RANBP9: variants seen among roughly 807,000 people sequenced by gnomAD.
The protein encoded by RANBP9 is ran-binding protein 9.
In RANBP9, 15 loss-of-function variants were observed where a neutral mutation model predicts 84.3. That is an observed-to-expected ratio of 0.18 (90% CI 0.12 to 0.27). The LOEUF is 0.27. Among genes scored for constraint, RANBP9 ranks in the 10% least tolerant of loss-of-function variants. The pLI, the probability that RANBP9 is intolerant of heterozygous loss-of-function variation, is 1.00. For synonymous variants in RANBP9, 392 were observed against 349.6 expected (o/e 1.12, Z -1.35); for missense variants, 809 against 912.8 (o/e 0.89, Z 1.46).
chr6:13,710,670 G>A (rs1045409135), intron 1 of RANBP9, among the ~76,000 whole-genome samples: 2 of 152,192 alleles, frequency 1.3e-5, no homozygotes, highest in Non-Finnish European at 1.5e-5. Context: ...TTCCCTCAAG[G>A]TGTCCTGCTC....
rs761209689 is a variant in RANBP9, at chr6:13,642,599, T to A, written c.1113-8A>T. 2 of 1,554,276 alleles carry A rather than the reference T, an allele frequency of 1.3e-6. No homozygotes were observed. Among genetic ancestry groups the A allele is most frequent in the Non-Finnish European group, 1.8e-6 (2 of 1,132,396 alleles). Reference sequence around the variant, plus strand: ...AAATAAGATGAAACCATTCTTAAAATAAAAAGAAGAAACATACATCTTTTA... The same window carrying A: ...AAATAAGATGAAACCATTCTTAAAAAAAAAAGAAGAAACATACATCTTTTA... On this transcript the variant is annotated splice_polypyrimidine_tract_variant and splice_region_variant and intron_variant, in intron 6 of 13. Coordinates refer to ENST00000011619, the MANE Select transcript of RANBP9 (RefSeq NM_005493.3).
Position 13,710,989 on chromosome 6 carries a change from C to T in RANBP9, c.517G>A (p.Asp173Asn). The T allele has an allele frequency of 1.2e-6, 2 of 1,609,878 alleles. No individual in the cohort carries two copies. The highest frequency in any genetic ancestry group is 1.7e-6 in the Non-Finnish European group (2 of 1,178,366). Residue 173 changes from aspartate to asparagine, a missense_variant, in exon 1 of 14, where the codon GAC becomes AAC. By Grantham distance (23) the Asp-to-Asn change is conservative. Coordinates refer to ENST00000011619, the MANE Select transcript of RANBP9 (RefSeq NM_005493.3). ...TPLPRSWSPK[D>N]KFSYIGLSQN... ...GAGAGGCCGATGTAGCTGAACTTGT[C>T]CTTCGGGCTCCAGGACCGAGGCAGC...
In RANBP9 at chr6:13,711,649, A is replaced by G. The variant is rs1037822481; in HGVS notation, c.-144T>C. ...CAGGCGGCGGGCCGCGCGCCCAGGG[A>G]GACCGCGGCGGTTGAGGAGCTCGGA... is the stretch of plus-strand genomic sequence containing the variant. On this transcript the variant is annotated 5_prime_UTR_variant, in exon 1 of 14. Coordinates refer to ENST00000011619, the MANE Select transcript of RANBP9 (RefSeq NM_005493.3). 7.1e-6 allele frequency: 5 copies of G among 703,894 alleles called. No individual in the cohort carries two copies. The highest frequency in any genetic ancestry group is 9.5e-6 in the Non-Finnish European group (5 of 526,940). 43.6% of individuals were successfully genotyped at this position (703,894 alleles called of 1,614,324 possible).
rs563146228 is a variant in RANBP9 at position 13,707,943 on chromosome 6, G to C, written c.571+2992C>G. 6.6e-5 allele frequency among the ~76,000 whole-genome samples: 10 copies of C among 152,240 alleles called. No homozygotes were observed. The South Asian group carries it at 1.9e-3, about 28-fold the overall frequency. On this transcript the variant is annotated intron_variant, in intron 1 of 13. Coordinates refer to ENST00000011619, the MANE Select transcript of RANBP9 (RefSeq NM_005493.3). ...ATCCCTGGGTTTTTCAATAGTTGTT[G>C]TGTGACTGCTAAGCAAAAGGCCTTT...
At chr6:13,626,654 C>T (rs1764613915) in intron 12 of RANBP9, among the ~76,000 whole-genome samples, 1 of 152,182 alleles carries the variant, frequency 6.6e-6, no homozygotes, top group Non-Finnish European at 1.5e-5. Context: ...ATTCAGAACA[C>T]TCTTACCAAT....
At chr6:13,669,274 C>T (rs536896043) in intron 2 of RANBP9, among the ~76,000 whole-genome samples, 36 of 152,260 alleles carry the variant, frequency 2.4e-4, no homozygotes, top group Non-Finnish European at 4.3e-4. Context: ...GATTTGAAGA[C>T]TAAATGCTGT....
chr6:13,690,461 C>A (rs926275043), intron 2 of RANBP9, among the ~76,000 whole-genome samples: 1 of 152,014 alleles, frequency 6.6e-6, no homozygotes, highest in Non-Finnish European at 1.5e-5. Context: ...TCTCCTCCCC[C>A]GCCAAGAAAT....
At chr6:13,633,125 C>T (rs1764839057) in intron 11 of RANBP9, among the ~76,000 whole-genome samples, 1 of 151,962 alleles carries the variant, frequency 6.6e-6, no homozygotes, top group African/African-American at 2.4e-5. Context: ...ACCTCTGCCT[C>T]CCAGGTTCAA....
intron 2 of RANBP9, among the ~76,000 whole-genome samples, chr6:13,664,102 T>C (rs1054388262): frequency 2.0e-5 from 3 of 152,152 alleles, no homozygotes; most frequent in African/African-American, 7.2e-5. Context: ...GTACAGATGA[T>C]ATGACTGTTT....
Position 13,621,951 on chromosome 6 carries a change from G to T in RANBP9, c.*411C>A, listed in dbSNP as rs919982405. Reference sequence around the variant, plus strand: ...ACACTGATTGAATGCTTATATGGGAGTGGGGGTCGGAACATCTCCCAATTT... The same window carrying T: ...ACACTGATTGAATGCTTATATGGGATTGGGGGTCGGAACATCTCCCAATTT... On this transcript the variant is annotated 3_prime_UTR_variant, in exon 14 of 14. Coordinates refer to ENST00000011619, the MANE Select transcript of RANBP9 (RefSeq NM_005493.3). 1 of 154,028 alleles carries T rather than the reference G, an allele frequency of 6.5e-6. No individual in the cohort carries two copies. Among genetic ancestry groups the T allele is most frequent in the Non-Finnish European group, 1.4e-5 (1 of 69,046 alleles). 9.5% of individuals were successfully genotyped at this position (154,028 alleles called of 1,614,324 possible).
At chr6:13,653,383 G>A (rs375715024) in intron 4 of RANBP9, among the ~76,000 whole-genome samples, 3 of 152,062 alleles carry the variant, frequency 2.0e-5, no homozygotes, top group Non-Finnish European at 2.9e-5. Context: ...ACAATTTAAC[G>A]ACCTCCTTTA....
chr6:13,629,921 C>CTCTCGTGT (rs1554221305), intron 12 of RANBP9, among the ~76,000 whole-genome samples: 19 of 128,428 alleles, frequency 1.5e-4, no homozygotes, highest in East Asian at 8.4e-4. Context: ...CTCTCTCTCT[C>CTCTCGTGT]GTGTGTGTGT....
At position 13,677,614 on chromosome 6, in the gene RANBP9, T is replaced by C. The variant is rs186138103; in HGVS notation, c.684-18782A>G. ...GATACACTAGTATACGTATATCTAT[T>C]TATATTAAGAAACTCAGGGCACTTG... On this transcript the variant is annotated intron_variant, in intron 2 of 13. Transcript: ENST00000011619. Among the ~76,000 whole-genome samples the C allele has an allele frequency of 4.3e-3, 652 of 152,320 alleles. 4 individuals are homozygous for C. Among genetic ancestry groups the C allele is most frequent in the African/African-American group, 0.014 (579 of 41,576 alleles).
intron 2 of RANBP9, among the ~76,000 whole-genome samples, chr6:13,676,702 T>C (rs1765892396): frequency 6.6e-6 from 1 of 151,762 alleles, no homozygotes. Context: ...TATGCAAGGC[T>C]GGCTCAACAT....
chr6:13,643,021 C>A (rs1363652338), intron 6 of RANBP9, among the ~76,000 whole-genome samples: 1 of 152,122 alleles, frequency 6.6e-6, no homozygotes, highest in Non-Finnish European at 1.5e-5. Context: ...AAGATTAACT[C>A]TTAATGTTCC....
intron 2 of RANBP9, among the ~76,000 whole-genome samples, chr6:13,670,845 A>C (rs1042338104): frequency 6.6e-6 from 1 of 151,790 alleles, no homozygotes; most frequent in Non-Finnish European, 1.5e-5. Flanking sequence ...ACTCCATAAA[A>C]TTTAAAATTT....
chr6:13,637,514 G>C (rs1382841660), intron 10 of RANBP9, among the ~76,000 whole-genome samples: 1 of 152,142 alleles, frequency 6.6e-6, no homozygotes, highest in East Asian at 1.9e-4. Flanking sequence ...CATTTGTATA[G>C]CTCTGTGGCT....
intron 9 of RANBP9, 143 bp downstream of exon 9, chr6:13,639,420 C>T (rs187829509): frequency 7.2e-6 from 6 of 828,552 alleles, no homozygotes; most frequent in East Asian, 5.6e-5. Flanking sequence ...CCTCGTGATC[C>T]GCCCACCCTG....
At chr6:13,709,484 G>T (rs1758217636) in intron 1 of RANBP9, among the ~76,000 whole-genome samples, 1 of 152,186 alleles carries the variant, frequency 6.6e-6, no homozygotes, top group Admixed American at 6.5e-5. Flanking sequence ...AGCCAGATCA[G>T]AAGTAAACAC....
Sources: allele counts gnomAD v4.1 joint callset (sites outside exome capture counted in the v4.1 genomes callset), GRCh38; gene constraint gnomAD v4.1.1; transcripts MANE v1.5; gene names NCBI Gene and HGNC (gene_info 2026-07-23, HGNC 2026-07-21).